TRIM5: variants seen among roughly 807,000 people sequenced by gnomAD.
TRIM5 encodes the protein tripartite motif-containing protein 5.
TRIM5 carries 31 observed loss-of-function variants against 35.6 expected under a neutral mutation model. That is an observed-to-expected ratio of 0.87 (90% CI 0.65 to 1.18). The LOEUF (loss-of-function observed/expected upper bound fraction) is 1.18. Ranked by LOEUF, TRIM5 falls within the 50% of genes most tolerant of loss-of-function variation. The pLI, the probability that TRIM5 is intolerant of heterozygous loss-of-function variation, is 0.00. For missense variants in TRIM5, 609 were observed against 591.6 expected, an observed-to-expected ratio of 1.03 and a Z score of -0.31; for synonymous variants, 243 against 215.6, an observed-to-expected ratio of 1.13 and a Z score of -1.11.
At chr11:5,623,105 CTTT>C in the TRIM5 span, among the ~76,000 whole-genome samples, 5 of 106,840 alleles carry the variant, frequency 4.7e-5, no homozygotes, top group Admixed American at 9.8e-5. Flanking sequence ...CTGTCTGGAG[CTTT>C]TTTTTTTTTT....
intron 4 of TRIM5, among the ~76,000 whole-genome samples, chr11:5,672,805 T>C (rs528165479): frequency 1.3e-5 from 2 of 152,172 alleles, no homozygotes; most frequent in African/African-American, 2.4e-5. Flanking sequence ...TGAAGCAATA[T>C]TGAAGGGAAG....
chr11:5,678,527 A>C, intron 3 of TRIM5, 93 bp from the exon 4 acceptor site: 1 of 996,940 alleles, frequency 1.0e-6, no homozygotes, highest in South Asian at 1.9e-5. Context: ...GAGTTCTCAC[A>C]AGGAGGGGAC....
chr11:5,647,073 C>T, the TRIM5 span, among the ~76,000 whole-genome samples: 2 of 152,138 alleles, frequency 1.3e-5, no homozygotes, highest in Non-Finnish European at 2.9e-5. Flanking sequence ...GTGTTTGAGA[C>T]GTATCAGGAG....
chr11:5,633,875 CAGAGA>C, the TRIM5 span: 2 of 1,614,038 alleles, frequency 1.2e-6, no homozygotes, highest in Non-Finnish European at 8.5e-7. Flanking sequence ...AAGCTGACAT[CAGAGA>C]AGAGAAAACT....
chr11:5,620,158 T>G, the TRIM5 span: 29 of 139,090 alleles, frequency 2.1e-4, no homozygotes, highest in Admixed American at 2.0e-3. Flanking sequence ...TTTTTTCCTT[T>G]TCTTTCTTCT....
At chr11:5,609,248 T>G in the TRIM5 span, among the ~76,000 whole-genome samples, 2 of 152,128 alleles carry the variant, frequency 1.3e-5, no homozygotes, top group African/African-American at 4.8e-5. Context: ...TATCGTCCCT[T>G]CTGAAATCTG....
the TRIM5 span, among the ~76,000 whole-genome samples, chr11:5,614,817 T>G: frequency 1.1e-4 from 16 of 152,322 alleles, no homozygotes; most frequent in African/African-American, 3.4e-4. Context: ...GTAATATAAC[T>G]GACATATAAT....
chr11:5,661,772 C>A (rs1270461917), downstream of TRIM5, among the ~76,000 whole-genome samples: 2 of 152,138 alleles, frequency 1.3e-5, no homozygotes, highest in Non-Finnish European at 2.9e-5. Flanking sequence ...TAACTCAGAG[C>A]AATTCATAAG....
intron 1 of TRIM5, among the ~76,000 whole-genome samples, chr11:5,680,571 C>G (rs541490845): frequency 6.6e-6 from 1 of 152,332 alleles, no homozygotes; most frequent in Non-Finnish European, 1.5e-5. Flanking sequence ...TTCTTTCCCA[C>G]GCCAAAACAC....
chr11:5,605,676 T>C, the TRIM5 span: 7 of 1,334,810 alleles, frequency 5.2e-6, no homozygotes, highest in Non-Finnish European at 6.0e-6. Context: ...AGAGAAAACA[T>C]TCCTTTGGCG....
At chr11:5,649,507 T>C in the TRIM5 span, among the ~76,000 whole-genome samples, 1 of 152,196 alleles carries the variant, frequency 6.6e-6, no homozygotes, top group South Asian at 2.1e-4. Context: ...GTAGTTGTTC[T>C]AAGTGTCCTT....
chr11:5,627,647 G>C, the TRIM5 span, among the ~76,000 whole-genome samples: 3 of 152,172 alleles, frequency 2.0e-5, no homozygotes, highest in African/African-American at 7.2e-5. Flanking sequence ...CATTAATGTG[G>C]TATAGATTGG....
chr11:5,630,063 C>G, the TRIM5 span, among the ~76,000 whole-genome samples: 1 of 152,150 alleles, frequency 6.6e-6, no homozygotes, highest in African/African-American at 2.4e-5. Flanking sequence ...GCGTGTGAAA[C>G]TAACGTAGCT....
the TRIM5 span, chr11:5,610,623 C>T: frequency 6.3e-7 from 1 of 1,586,604 alleles, no homozygotes; most frequent in South Asian, 1.2e-5. Flanking sequence ...CATGCCCTCC[C>T]CAGACATAGC....
At chr11:5,611,392 G>A in the TRIM5 span, 4 of 1,369,614 alleles carry the variant, frequency 2.9e-6, no homozygotes, top group African/African-American at 2.9e-5. Flanking sequence ...AGGCTTATCA[G>A]CATGTGATTC....
chr11:5,629,037 G>C, the TRIM5 span, among the ~76,000 whole-genome samples: 2 of 152,174 alleles, frequency 1.3e-5, no homozygotes, highest in Non-Finnish European at 2.9e-5. Flanking sequence ...AGCACTTTGG[G>C]AGGCCGAGAC....
At chr11:5,670,816 T>C (rs923162592) in intron 4 of TRIM5, among the ~76,000 whole-genome samples, 2 of 152,016 alleles carry the variant, frequency 1.3e-5, no homozygotes, top group African/African-American at 2.4e-5. Context: ...CACTTAAAAA[T>C]TATATTTTAG....
chr11:5,638,668 G>A, the TRIM5 span, among the ~76,000 whole-genome samples: 2 of 152,158 alleles, frequency 1.3e-5, no homozygotes, highest in Admixed American at 1.3e-4. Flanking sequence ...TTGACAATAC[G>A]GCATAAGAAA....
At chr11:5,610,105 A>G in the TRIM5 span, 2 of 1,610,774 alleles carry the variant, frequency 1.2e-6, no homozygotes, top group Non-Finnish European at 1.7e-6. Context: ...AGGAACCCAC[A>G]GTCAGCAGTG....
Sources: gnomAD v4.1 joint callset for allele counts (sites outside exome capture counted in the v4.1 genomes callset) on GRCh38, gnomAD v4.1.1 for gene constraint, MANE v1.5 for transcripts, NCBI Gene and HGNC (gene_info 2026-07-23, HGNC 2026-07-21) for gene names.